TTC19: variants seen among roughly 807,000 people sequenced by gnomAD.
The protein encoded by TTC19 is tetratricopeptide repeat protein 19, mitochondrial.
Under a neutral mutation model 49.5 loss-of-function variants are expected in TTC19, and 38 were observed. The observed-to-expected ratio is 0.77, with a 90% CI of 0.59 to 1.01. The LOEUF (loss-of-function observed/expected upper bound fraction) is 1.01, where lower values mean the gene tolerates loss of function less well. Among genes scored for constraint, TTC19 ranks in the 50% least tolerant of loss-of-function variants. The pLI, the probability that TTC19 is intolerant of heterozygous loss-of-function variation, is 0.00. For missense variants in TTC19, 475 were observed against 477.7 expected (o/e 0.99, Z 0.05); for synonymous variants, 204 against 185.2 (o/e 1.10, Z -0.83).
At chr17:16,020,907 C>T (rs568527743) in intron 7 of TTC19, among the ~76,000 whole-genome samples, 7 of 152,154 alleles carry the variant, frequency 4.6e-5, no homozygotes, top group East Asian at 1.9e-4. Context: ...AGGCTGGTCT[C>T]GACCTCTTGG....
At chr17:16,029,585 C>T (rs115578748), downstream of TTC19, 646 of 201,712 alleles carry the variant, frequency 3.2e-3, 8 homozygotes, top group African/African-American at 0.015. Flanking sequence ...AAAAAAATCA[C>T]GTGTAAGGAT....
intron 2 of TTC19, among the ~76,000 whole-genome samples, chr17:16,042,419 A>C (rs141637890): frequency 2.6e-5 from 4 of 152,282 alleles, no homozygotes; most frequent in African/African-American, 9.6e-5. Context: ...GATAATCCTT[A>C]GATACTGCAC....
intron 7 of TTC19, among the ~76,000 whole-genome samples, chr17:16,012,138 AGT>A (rs1971090839): frequency 6.6e-6 from 1 of 151,658 alleles, no homozygotes; most frequent in Non-Finnish European, 1.5e-5. Flanking sequence ...GTGTTTATAG[AGT>A]GGGGTTTTTT....
Position 16,028,987 on chromosome 17 carries a change from T to A in TTC19, c.*1465T>A, listed in dbSNP as rs1406104882. On this transcript the variant is annotated 3_prime_UTR_variant, in exon 10 of 10. Transcript: ENST00000261647. ...CTCATATTATTTACCATGCAGCTAA[T>A]GCCGTTTACCAAGTCTAGCTCAGAG... is the stretch of plus-strand genomic sequence containing the variant. The A allele has an allele frequency of 2.3e-6, 1 of 431,418 alleles. No individual in the cohort carries two copies. The highest frequency in any genetic ancestry group is 7.0e-5 in the East Asian group (1 of 14,248). 26.7% of individuals were successfully genotyped at this position (431,418 alleles called of 1,614,324 possible). A position where few individuals can be genotyped will look rare whatever the true frequency, so the allele number is the denominator to read the frequency against.
chr17:16,010,735 G>T (rs1157196716), intron 7 of TTC19, among the ~76,000 whole-genome samples: 1 of 152,202 alleles, frequency 6.6e-6, no homozygotes, highest in Non-Finnish European at 1.5e-5. Flanking sequence ...GCCTCCCAAA[G>T]TGCTGGGATT....
chr17:16,040,001 G>A (rs1597657536), intron 2 of TTC19: 1 of 390,338 alleles, frequency 2.6e-6, no homozygotes, highest in African/African-American at 2.1e-5. Flanking sequence ...TATTGGTCAG[G>A]CTGATCTCGA....
At chr17:16,011,803 C>T (rs1971078108) in intron 7 of TTC19, among the ~76,000 whole-genome samples, 2 of 152,190 alleles carry the variant, frequency 1.3e-5, no homozygotes, top group South Asian at 2.1e-4. Flanking sequence ...AAGAGTAACA[C>T]TCATAGGACC....
rs764720544 is a variant in TTC19, at chr17:16,006,475, C to A, written c.583C>A (p.Gln195Lys). The change falls in exon 7 of 10, where the codon CAG becomes AAG. Residue 195 changes from glutamine to lysine, a missense_variant and splice_region_variant. Coordinates refer to ENST00000261647, the MANE Select transcript of TTC19 (RefSeq NM_017775.4). ...CTGATTATTGATTTTGCTTTACAGA[C>A]AGGAATTTGCTGTTGCTGGCTATGA... ...LASIYAAQNR[Q>K]EFAVAGYEFC... 6.2e-7 allele frequency: 1 copy of A among 1,604,728 alleles called. No individual in the cohort carries two copies. Among genetic ancestry groups the A allele is most frequent in the South Asian group, 1.1e-5 (1 of 90,888 alleles).
In TTC19 at chr17:16,028,675, C is replaced by T. The variant is rs550618517; in HGVS notation, c.*1153C>T. 5 of 453,630 alleles carry T rather than the reference C, an allele frequency of 1.1e-5. No individual in the cohort carries two copies. In the Admixed American group the frequency reaches 1.2e-4, roughly 11 times the overall value. The allele number at this position is 453,630 out of a possible 1,614,324, so 28.1% of individuals were successfully genotyped here. A position where few individuals can be genotyped will look rare whatever the true frequency, so the allele number is the denominator to read the frequency against. ...TAGGTACCATGAAGGAAGATTGACCCTGTTGGTATGCCTGTGGGGGTGGGA... is the reference window on the plus strand; with the variant it reads ...TAGGTACCATGAAGGAAGATTGACCTTGTTGGTATGCCTGTGGGGGTGGGA... On this transcript the variant is annotated 3_prime_UTR_variant, in exon 10 of 10. Coordinates refer to ENST00000261647, the MANE Select transcript of TTC19 (RefSeq NM_017775.4).
intron 2 of TTC19, chr17:16,039,351 C>G: frequency 7.7e-7 from 1 of 1,302,638 alleles, no homozygotes; most frequent in South Asian, 1.3e-5. Flanking sequence ...AATGAAATGT[C>G]TTAGTGATGC....
intron 2 of TTC19, chr17:16,040,311 A>T (rs1597664654): frequency 1.3e-6 from 1 of 799,738 alleles, no homozygotes; most frequent in East Asian, 2.7e-5. Flanking sequence ...CCTTCACTAA[A>T]TTATTTATTT....
At chr17:16,039,695 G>A (rs1265917441) in intron 2 of TTC19, 1 of 1,548,912 alleles carries the variant, frequency 6.5e-7, no homozygotes. Context: ...TTTCTGAAAG[G>A]CCAATCAGGA....
In TTC19 at chr17:16,000,142, C is replaced by A; in HGVS notation, c.209C>A (p.Ala70Asp). ...GCGCTCGCCTGGTTCTCGAGGCCCG[C>A]TGCGGCAGAGGAGGAGGAGCAGCAG... ...LAALAWFSRP[A>D]AAEEEEQQGA... is the part of the protein sequence containing the mutation. The change falls in exon 2 of 10, where the codon GCT (alanine) becomes GAT (aspartate). Residue 70 changes from alanine to aspartate, a missense_variant. Physicochemically the swap from Ala to Asp is moderately radical, Grantham distance 126 (BLOSUM62 -2). Coordinates refer to ENST00000261647, the MANE Select transcript of TTC19 (RefSeq NM_017775.4). 6.3e-7 allele frequency: 1 copy of A among 1,580,122 alleles called. No individual in the cohort carries two copies. The highest frequency in any genetic ancestry group is 8.5e-7 in the Non-Finnish European group (1 of 1,171,594).
intron 7 of TTC19, among the ~76,000 whole-genome samples, chr17:16,019,213 A>T (rs1971299177): frequency 6.6e-6 from 1 of 152,126 alleles, no homozygotes; most frequent in Non-Finnish European, 1.5e-5. Flanking sequence ...GGCGCCTGTA[A>T]TCCCCACTAC....
At chr17:16,002,090 T>C in intron 3 of TTC19, 65 bp downstream of exon 3, 2 of 1,043,908 alleles carry the variant, frequency 1.9e-6, no homozygotes, top group East Asian at 2.4e-5. Context: ...GGGTAGTTAG[T>C]TCTTCTGATT....
chr17:16,026,762 A>AT, intron 9 of TTC19, 60 bp downstream of exon 9: 1 of 1,581,400 alleles, frequency 6.3e-7, no homozygotes, highest in African/African-American at 1.3e-5. Context: ...CTGGATTGAT[A>AT]GATTTGTGAA....
chr17:16,004,145 T>C, intron 5 of TTC19, 56 bp from the exon 6 acceptor site: 2 of 1,530,214 alleles, frequency 1.3e-6, no homozygotes, highest in South Asian at 1.1e-5. Flanking sequence ...TGATCTGAAA[T>C]ATGCCATGAA....
chr17:16,025,586 G>A (rs1344732537), intron 8 of TTC19, among the ~76,000 whole-genome samples: 1 of 152,210 alleles, frequency 6.6e-6, no homozygotes, highest in African/African-American at 2.4e-5. Context: ...TGAGGGAAGG[G>A]CAAGGGACCA....
chr17:16,009,653 C>A (rs1567580259), intron 7 of TTC19, among the ~76,000 whole-genome samples: 1 of 152,144 alleles, frequency 6.6e-6, no homozygotes. Flanking sequence ...CCTACCTATT[C>A]AGTTTTGCAC....
Sources: allele counts gnomAD v4.1 joint callset (sites outside exome capture counted in the v4.1 genomes callset), GRCh38; gene constraint gnomAD v4.1.1; transcripts MANE v1.5; gene names NCBI Gene and HGNC (gene_info 2026-07-23, HGNC 2026-07-21).